HTRA1: variants seen among roughly 807,000 people sequenced by gnomAD.
HTRA1 encodes the protein HtrA serine peptidase 1.
A neutral mutation model predicts 49.7 loss-of-function variants in HTRA1; 26 were observed. The observed-to-expected ratio is 0.52, with a 90% CI of 0.38 to 0.73. The LOEUF is 0.73. Ranked by LOEUF, HTRA1 falls within the 30% of genes least tolerant of loss-of-function variation. The probability of loss-of-function intolerance (pLI) is 0.00; values close to 1 mark genes in which losing one functional copy is unlikely to be tolerated. For missense variants in HTRA1, 561 were observed against 667.2 expected (o/e 0.84, Z 1.75); for synonymous variants, 291 against 286.9 (o/e 1.01, Z -0.14).
At chr10:122,503,814 TC>T (rs559920838) in intron 3 of HTRA1, among the ~76,000 whole-genome samples, 195 of 152,302 alleles carry the variant, frequency 1.3e-3, no homozygotes, top group African/African-American at 4.1e-3. Context: ...CTTGCTTTTT[TC>T]TGTCTTAGGG....
intron 1 of HTRA1, among the ~76,000 whole-genome samples, chr10:122,480,201 C>T (rs925813372): frequency 2.6e-5 from 4 of 152,156 alleles, no homozygotes; most frequent in African/African-American, 9.7e-5. Flanking sequence ...GGCATGGAGG[C>T]ATTAACTTAG....
chr10:122,492,222 G>A (rs1359803738), intron 3 of HTRA1, among the ~76,000 whole-genome samples: 2 of 152,138 alleles, frequency 1.3e-5, no homozygotes, highest in African/African-American at 4.8e-5. Context: ...TGCCTGCCGC[G>A]TCCGTGGGCC....
intron 1 of HTRA1, 147 bp from the exon 2 acceptor site, chr10:122,488,755 G>C: frequency 1.3e-6 from 1 of 752,850 alleles, no homozygotes; most frequent in South Asian, 1.4e-5. Flanking sequence ...GACATTTGCA[G>C]CTGAGCCCAG....
intron 1 of HTRA1, among the ~76,000 whole-genome samples, chr10:122,482,271 C>T (rs1749498276): frequency 6.6e-6 from 1 of 152,166 alleles, no homozygotes; most frequent in Non-Finnish European, 1.5e-5. Context: ...ATGCCCATTT[C>T]CAGTTCAACT....
chr10:122,461,606 C>A lies in HTRA1; in HGVS notation c.-47C>A. The stretch of plus-strand genomic sequence containing the variant: ...CTGCACTCTCCCCGGCGCCGCTCTC[C>A]GGCCCTCGCCCTGTCCGCCGCCACC... On this transcript the variant is annotated 5_prime_UTR_variant, in exon 1 of 9. Transcript: ENST00000368984. 1 of 1,202,094 alleles carries A rather than the reference C, an allele frequency of 8.3e-7. No individual in the cohort carries two copies. Among genetic ancestry groups the A allele is most frequent in the South Asian group, 1.4e-5 (1 of 71,402 alleles). 74.5% of individuals were successfully genotyped at this position (1,202,094 alleles called of 1,614,324 possible). A position where few individuals can be genotyped will look rare whatever the true frequency, so the allele number is the denominator to read the frequency against.
Position 122,508,736 on chromosome 10 carries a change from G to A in HTRA1, c.1086G>A (p.Lys362=), listed in dbSNP as rs759123826. 2.5e-6 allele frequency: 4 copies of A among 1,613,686 alleles called. No homozygotes were observed. Among genetic ancestry groups the A allele is most frequent in the East Asian group, 4.5e-5 (2 of 44,874 alleles). The change falls in exon 6 of 9, where the codon AAG becomes AAA. Residue 362 remains lysine, a synonymous_variant. Transcript: ENST00000368984. ...CAATCCCATCTGATAAGATTAAAAAGTTCCTCACGGAGTCCCATGACCGAC... is the reference window on the plus strand; with the variant it reads ...CAATCCCATCTGATAAGATTAAAAAATTCCTCACGGAGTCCCATGACCGAC... The part of the protein sequence containing the change: ...SFAIPSDKIK[K]FLTESHDRQA...
chr10:122,480,148 A>T (rs566183376), intron 1 of HTRA1, among the ~76,000 whole-genome samples: 1 of 152,318 alleles, frequency 6.6e-6, no homozygotes, highest in South Asian at 2.1e-4. Flanking sequence ...TGAAGCAGGG[A>T]CATTCATGAT....
chr10:122,473,250 C>T (rs1172455529), intron 1 of HTRA1, among the ~76,000 whole-genome samples: 2 of 152,156 alleles, frequency 1.3e-5, no homozygotes, highest in African/African-American at 4.8e-5. Context: ...GCTTGTCCTT[C>T]TAACACTCGT....
Position 122,514,390 on chromosome 10 carries a change from C to T in HTRA1, c.*31C>T, listed in dbSNP as rs764022473. The T allele has an allele frequency of 1.2e-6, 2 of 1,606,478 alleles. No individual in the cohort carries two copies. Among genetic ancestry groups the T allele is most frequent in the Admixed American group, 1.7e-5 (1 of 60,000 alleles). On this transcript the variant is annotated 3_prime_UTR_variant, in exon 9 of 9. Transcript: ENST00000368984. The stretch of plus-strand genomic sequence containing the variant: ...GGCATGAGCTGGACTTCATGTTTCC[C>T]TCAAAGACTCTCCCGTGGATGACGG...
Position 122,461,760 on chromosome 10 carries a change from G to T in HTRA1, c.108G>T (p.Gly36=), listed in dbSNP as rs2293870. The change falls in exon 1 of 9, where the codon GGG becomes GGT. Residue 36 remains glycine, a synonymous_variant. Coordinates refer to ENST00000368984, the MANE Select transcript of HTRA1 (RefSeq NM_002775.5). ...RAGRSAPLAA[G]CPDRCEPARC... The stretch of plus-strand genomic sequence containing the variant: ...GCCGCTCGGCGCCTTTGGCCGCCGG[G>T]TGCCCAGACCGCTGCGAGCCGGCGC... 0.23 allele frequency: 251,010 copies of T among 1,102,096 alleles called. 29,815 individuals are homozygous for T. The highest frequency in any genetic ancestry group is 0.42 in the East Asian group (6,569 of 15,476). 68.3% of individuals were successfully genotyped at this position (1,102,096 alleles called of 1,614,324 possible).
intron 1 of HTRA1, among the ~76,000 whole-genome samples, chr10:122,475,390 C>T (rs2097487985): frequency 6.6e-6 from 1 of 152,198 alleles, no homozygotes; most frequent in Admixed American, 6.5e-5. Flanking sequence ...TCCCGGCTCC[C>T]CCGCCTCTTC....
chr10:122,484,268 G>T (rs962328930), intron 1 of HTRA1, among the ~76,000 whole-genome samples: 7 of 152,182 alleles, frequency 4.6e-5, no homozygotes, highest in African/African-American at 1.7e-4. Flanking sequence ...TGGTTGCTTC[G>T]TCAGGTTTAA....
Position 122,508,764 on chromosome 10 carries a change from G to A in HTRA1, c.1114G>A (p.Ala372Thr), listed in dbSNP as rs1446690333. Residue 372 changes from alanine (A) to threonine (T), a missense_variant, in exon 6 of 9, where the codon GCC becomes ACC. Around this residue, in one of 3 missense-constraint regions of HTRA1, gnomAD observed 179 missense variants for 173.4 expected, o/e 1.03. Transcript: ENST00000368984. ...KFLTESHDRQ[A>T]KGKAITKKKY... is the part of the protein sequence containing the mutation. Reference sequence around the variant, plus strand: ...CCTCACGGAGTCCCATGACCGACAGGCCAAAGGTAGGCAAGGCCCACACAG... The same window carrying A: ...CCTCACGGAGTCCCATGACCGACAGACCAAAGGTAGGCAAGGCCCACACAG... 8.1e-6 allele frequency: 13 copies of A among 1,601,288 alleles called. No homozygotes were observed. The highest frequency in any genetic ancestry group is 3.3e-4 in the Middle Eastern group (2 of 6,044).
intron 1 of HTRA1, among the ~76,000 whole-genome samples, chr10:122,484,113 G>C (rs2097492138): frequency 6.6e-6 from 1 of 152,086 alleles, no homozygotes; most frequent in South Asian, 2.1e-4. Flanking sequence ...TTCAATTAAG[G>C]AGCAGGTAAA....
intron 3 of HTRA1, among the ~76,000 whole-genome samples, chr10:122,505,279 G>A (rs761943184): frequency 7.9e-5 from 12 of 152,254 alleles, no homozygotes; most frequent in Non-Finnish European, 1.5e-4. Context: ...CTTGGTATCT[G>A]TGATCTGAGG....
rs551457492 is a variant in HTRA1 at position 122,489,691 on chromosome 10, C to T, written c.777+65C>T. ...CCCCGGAACACCCTTGGCAAAGGCA[C>T]CAGAGCTCTCTGATTGCAGCTGATT... On this transcript the variant is annotated intron_variant, in intron 3 of 8. Coordinates refer to ENST00000368984, the MANE Select transcript of HTRA1 (RefSeq NM_002775.5). 467 of 1,438,416 alleles carry T rather than the reference C, an allele frequency of 3.2e-4. 3 individuals are homozygous for T. In the South Asian group the frequency reaches 5.1e-3, roughly 16 times the overall value. The allele number at this position is 1,438,416 out of a possible 1,614,324, so 89.1% of individuals were successfully genotyped here. A position where few individuals can be genotyped will look rare whatever the true frequency, so the allele number is the denominator to read the frequency against.
At chr10:122,513,933 T>C (rs1469323612) in intron 8 of HTRA1, among the ~76,000 whole-genome samples, 1 of 150,806 alleles carries the variant, frequency 6.6e-6, no homozygotes, top group African/African-American at 2.4e-5. Flanking sequence ...GAGACGGGGC[T>C]TCACCATGTT....
At chr10:122,484,438 G>T (rs1254281434) in intron 1 of HTRA1, among the ~76,000 whole-genome samples, 1 of 152,148 alleles carries the variant, frequency 6.6e-6, no homozygotes, top group South Asian at 2.1e-4. Flanking sequence ...TCATACCTTC[G>T]CAGTGACATG....
At position 122,506,874 on chromosome 10, in the gene HTRA1, G is replaced by A. The variant is rs587776449; in HGVS notation, c.961G>A (p.Ala321Thr). The A allele has an allele frequency of 4.5e-5, 72 of 1,613,378 alleles. No homozygotes were observed. Among genetic ancestry groups the A allele is most frequent in the East Asian group, 8.9e-5 (4 of 44,872 alleles). ...AGACATGGACTACATCCAGACCGAC[G>A]CCATCATCAACGTGAGCCTCTGTCC... is the stretch of plus-strand genomic sequence containing the variant. ...NSDMDYIQTD[A>T]IINYGNSGGP... Residue 321 changes from alanine (A) to threonine (T), a missense_variant, in exon 4 of 9, where the codon GCC (alanine) becomes ACC (threonine). By Grantham distance (58) the Ala-to-Thr change is moderately conservative (BLOSUM62 0). Transcript: ENST00000368984. This position sits in a 1 kb window ranked among gnomAD's most constrained non-coding sequence, Gnocchi z 5.2.
Sources: allele counts gnomAD v4.1 joint callset (sites outside exome capture counted in the v4.1 genomes callset), GRCh38; gene constraint gnomAD v4.1.1; regional missense constraint gnomAD v4.1.1; non-coding constraint Gnocchi (gnomAD v3.1); transcripts MANE v1.5; gene names NCBI Gene and HGNC (gene_info 2026-07-23, HGNC 2026-07-21).